Variants in P3H2 observed in about 807,000 individuals in gnomAD.
P3H2 encodes the protein prolyl 3-hydroxylase 2, also known as leprecan-like 1.
In P3H2, 80 loss-of-function variants were observed where a neutral mutation model predicts 87.0. That is an observed-to-expected ratio of 0.92 (90% CI 0.77 to 1.11). P3H2 has a LOEUF of 1.11. Ranked by LOEUF, P3H2 falls within the 50% of genes least tolerant of loss-of-function variation. The probability of loss-of-function intolerance (pLI) is 0.00; values close to 1 mark genes in which losing one functional copy is unlikely to be tolerated. For missense variants in P3H2, 1,001 were observed against 923.9 expected (o/e 1.08, Z -1.08); for synonymous variants, 367 against 359.3 (o/e 1.02, Z -0.24).
chr3:190,016,030 T>G (rs563257467), intron 1 of P3H2, among the ~76,000 whole-genome samples: 4 of 152,340 alleles, frequency 2.6e-5, no homozygotes, highest in Non-Finnish European at 5.9e-5. Flanking sequence ...AGGGTAGACC[T>G]CTATTAAATG....
intron 1 of P3H2, among the ~76,000 whole-genome samples, chr3:190,091,463 T>C (rs1392990006): frequency 6.6e-6 from 1 of 152,238 alleles, no homozygotes; most frequent in African/African-American, 2.4e-5. Context: ...CTATTTCCCA[T>C]TATTACTAAG....
intron 1 of P3H2, among the ~76,000 whole-genome samples, chr3:190,012,529 G>A (rs972274825): frequency 2.0e-5 from 3 of 152,054 alleles, no homozygotes; most frequent in Admixed American, 1.3e-4. Context: ...TCTAAAATAC[G>A]GTCCTGATGA....
chr3:190,080,161 A>C (rs11706419), intron 1 of P3H2, among the ~76,000 whole-genome samples: 21,367 of 152,228 alleles, frequency 0.14, 1,873 homozygotes, highest in Non-Finnish European at 0.2. Flanking sequence ...AGATAAAAGG[A>C]AGAGCATAGA....
chr3:190,091,773 T>C (rs1051176323), intron 1 of P3H2, among the ~76,000 whole-genome samples: 1 of 152,224 alleles, frequency 6.6e-6, no homozygotes, highest in African/African-American at 2.4e-5. Context: ...TTGTTTCTTT[T>C]GTTTTGTTTT....
At position 190,006,630 on chromosome 3, in the gene P3H2, G is replaced by C. The variant is rs186592917; in HGVS notation, c.481-11188C>G. Reference sequence around the variant, plus strand: ...TACAAGCTTTTAGGGCAGAGTGGGTGGGTGGCAGGCAATATAATGCTGTAA... The same window carrying C: ...TACAAGCTTTTAGGGCAGAGTGGGTCGGTGGCAGGCAATATAATGCTGTAA... On this transcript the variant is annotated intron_variant, in intron 1 of 14. Transcript: ENST00000319332. 1.3e-3 allele frequency among the ~76,000 whole-genome samples: 198 copies of C among 152,296 alleles called. 1 individual carries two copies. Among genetic ancestry groups the C allele is most frequent in the South Asian group, 0.01 (49 of 4,818 alleles).
At position 189,970,892 on chromosome 3, in the gene P3H2, C is replaced by G; in HGVS notation, c.1818-1G>C. 6.6e-7 allele frequency: 1 copy of G among 1,517,930 alleles called. No homozygotes were observed. The highest frequency in any genetic ancestry group is 9.2e-7 in the Non-Finnish European group (1 of 1,092,588). 94.0% of individuals were successfully genotyped at this position (1,517,930 alleles called of 1,614,324 possible). On this transcript the variant is annotated splice_acceptor_variant, in intron 12 of 14. Transcript: ENST00000319332. LOFTEE classifies it high-confidence loss of function. ...GTCATCATTCATATATAGGAGAGCA[C>G]TATAAGAATGAAGAGAAAACTATTT...
At chr3:189,973,566 C>A (rs559838230) in intron 10 of P3H2, among the ~76,000 whole-genome samples, 9 of 135,080 alleles carry the variant, frequency 6.7e-5, no homozygotes, top group African/African-American at 2.5e-4. Context: ...TCGCCCAGGC[C>A]AGGCTGGAGT....
At chr3:190,036,239 A>C (rs1725421585) in intron 1 of P3H2, among the ~76,000 whole-genome samples, 1 of 152,132 alleles carries the variant, frequency 6.6e-6, no homozygotes, top group Non-Finnish European at 1.5e-5. Flanking sequence ...AGTTAGTCTC[A>C]AATTTCTGAT....
rs147313679 is a variant in P3H2, at chr3:190,100,538, T to C, written c.480+19714A>G. 2.6e-3 allele frequency among the ~76,000 whole-genome samples: 391 copies of C among 152,230 alleles called. 1 individual carries two copies. Among genetic ancestry groups the C allele is most frequent in the African/African-American group, 8.9e-3 (369 of 41,530 alleles). On this transcript the variant is annotated intron_variant, in intron 1 of 14. Coordinates refer to ENST00000319332, the MANE Select transcript of P3H2 (RefSeq NM_018192.4). Reference sequence around the variant, plus strand: ...GGCAGAGACTTCCAAGATTACATATTACAATCACCTCATTTTGTAAAAGAA... The same window carrying C: ...GGCAGAGACTTCCAAGATTACATATCACAATCACCTCATTTTGTAAAAGAA...
intron 13 of P3H2, among the ~76,000 whole-genome samples, chr3:189,966,385 T>C (rs1252282853): frequency 2.0e-5 from 3 of 152,224 alleles, no homozygotes; most frequent in Admixed American, 2.0e-4. Context: ...TCTTCTGGAA[T>C]TGAAAGTAAT....
chr3:189,974,874 C>A (rs559922669), intron 8 of P3H2, among the ~76,000 whole-genome samples, 189 bp from the exon 9 acceptor site: 2 of 152,172 alleles, frequency 1.3e-5, no homozygotes, highest in African/African-American at 2.4e-5. Context: ...AGATGTCTAT[C>A]GGGTTTCCTC....
At chr3:190,065,038 C>T (rs1726453414) in intron 1 of P3H2, among the ~76,000 whole-genome samples, 2 of 152,232 alleles carry the variant, frequency 1.3e-5, no homozygotes, top group South Asian at 4.1e-4. Context: ...GGACTCCCTG[C>T]CTAAAAACTG....
In P3H2 at chr3:189,971,965, G is replaced by C. The variant is rs749345227; in HGVS notation, c.1742C>G (p.Ala581Gly). ...RRNDLSHPIH[A>G]DNCLLDPEAN... ...CTCTGGATCCAACAAACAGTTGTCA[G>C]CATGGATGGGATGACTGAGGTCATT... Residue 581 changes from alanine to glycine, a missense_variant, in exon 12 of 15, where the codon GCT becomes GGT. Ala to Gly is a moderately conservative substitution (Grantham distance 60). Transcript: ENST00000319332. 6 of 1,613,504 alleles carry C rather than the reference G, an allele frequency of 3.7e-6. No homozygotes were observed. In the South Asian group the frequency reaches 6.6e-5, roughly 18 times the overall value.
At chr3:190,066,143 G>GTATATA (rs60898721) in intron 1 of P3H2, among the ~76,000 whole-genome samples, 24 of 138,804 alleles carry the variant, frequency 1.7e-4, no homozygotes, top group African/African-American at 5.7e-4. Context: ...ACTGTGGTGT[G>GTATATA]TATATATATA....
chr3:190,117,558 G>A (rs2108528655), intron 1 of P3H2, among the ~76,000 whole-genome samples: 1 of 152,046 alleles, frequency 6.6e-6, no homozygotes, highest in Admixed American at 6.5e-5. Context: ...TCACATGGCA[G>A]GGAGTTCCTC....
chr3:190,008,877 T>G, intron 1 of P3H2, among the ~76,000 whole-genome samples: 1 of 151,576 alleles, frequency 6.6e-6, no homozygotes, highest in East Asian at 1.9e-4. Flanking sequence ...GGGGGTGGGG[T>G]GGGAAATCAG....
At chr3:189,995,555 G>GTTT in intron 1 of P3H2, 113 bp from the exon 2 acceptor site, 1 of 705,548 alleles carries the variant, frequency 1.4e-6, no homozygotes, top group Non-Finnish European at 2.0e-6. Flanking sequence ...TAGGAGCCTT[G>GTTT]GTTTTTTTTT....
chr3:190,058,058 C>T (rs1726214045), intron 1 of P3H2, among the ~76,000 whole-genome samples: 1 of 151,880 alleles, frequency 6.6e-6, no homozygotes, highest in African/African-American at 2.4e-5. Flanking sequence ...TCCCCAACAC[C>T]AAAAAATAAA....
intron 1 of P3H2, among the ~76,000 whole-genome samples, chr3:190,102,724 T>G (rs1577325068): frequency 6.6e-6 from 1 of 152,218 alleles, no homozygotes; most frequent in Admixed American, 6.5e-5. Context: ...AGTGGCAGGG[T>G]TTGAGAGAAT....
Sources: gnomAD v4.1 joint callset for allele counts (sites outside exome capture counted in the v4.1 genomes callset) on GRCh38, gnomAD v4.1.1 for gene constraint, MANE v1.5 for transcripts, NCBI Gene and HGNC (gene_info 2026-07-23, HGNC 2026-07-21) for gene names.